The following KCNIP4 variants were observed in gnomAD, a reference collection of about 807,000 sequenced individuals.
KCNIP4 encodes the protein potassium voltage-gated channel interacting protein 4, also known as Kv channel-interacting protein 4.
KCNIP4 carries 12 observed loss-of-function variants against 34.0 expected under a neutral mutation model. The observed-to-expected ratio is 0.35, with a 90% CI of 0.23 to 0.57. KCNIP4 has a LOEUF of 0.57. Among genes scored for constraint, KCNIP4 ranks in the 20% least tolerant of loss-of-function variants. The pLI, the probability that KCNIP4 is intolerant of heterozygous loss-of-function variation, is 0.83. For missense variants in KCNIP4, 238 were observed against 311.7 expected, an observed-to-expected ratio of 0.76 and a Z score of 1.78; for synonymous variants, 124 against 102.2, an observed-to-expected ratio of 1.21 and a Z score of -1.29.
chr4:21,103,506 A>T (rs546880374), intron 1 of KCNIP4, among the ~76,000 whole-genome samples: 88 of 150,992 alleles, frequency 5.8e-4, no homozygotes, highest in Admixed American at 3.0e-3. Context: ...AAAAACTTAA[A>T]TCAGTGGAGA....
intron 1 of KCNIP4, among the ~76,000 whole-genome samples, chr4:20,919,564 G>A (rs192815942): frequency 1.3e-4 from 20 of 151,778 alleles, no homozygotes; most frequent in African/African-American, 3.9e-4. Flanking sequence ...TTAGCTGGGC[G>A]TGGTGGCGGG....
intron 2 of KCNIP4, among the ~76,000 whole-genome samples, chr4:20,873,603 T>C (rs2149512977): frequency 6.6e-6 from 1 of 152,314 alleles, no homozygotes; most frequent in Non-Finnish European, 1.5e-5. Context: ...ATATTGTTCT[T>C]GATCCTTTGC....
chr4:21,642,257 C>T (rs1746666961), intron 1 of KCNIP4, among the ~76,000 whole-genome samples: 2 of 152,038 alleles, frequency 1.3e-5, no homozygotes, highest in African/African-American at 4.8e-5. Context: ...AGTGGAATGA[C>T]CTTTTGAAGA....
chr4:21,825,674 TATTTAGTTTTATTCATTG>T (rs1368340640), intron 1 of KCNIP4, among the ~76,000 whole-genome samples: 2 of 152,198 alleles, frequency 1.3e-5, no homozygotes, highest in African/African-American at 4.8e-5. Context: ...AGACTTCCAC[TATTTAGTTTTATTCATTG>T]ATTTATGTAA....
chr4:21,259,958 C>G lies in KCNIP4; in HGVS notation c.62-377249G>C, dbSNP rs536716311. ...ATGTGCATTGTGCAATGTCTAAACA[C>G]TCAAACAGGATATTTGGAACAGAAC... On this transcript the variant is annotated intron_variant, in intron 1 of 8. Transcript: ENST00000382152. Among the ~76,000 whole-genome samples, 19 of 150,918 alleles carry G rather than the reference C, an allele frequency of 1.3e-4. No individual in the cohort carries two copies. The South Asian group carries it at 4.0e-3, about 32-fold the overall frequency.
intron 1 of KCNIP4, among the ~76,000 whole-genome samples, chr4:21,156,870 T>C (rs1263351803): frequency 6.6e-6 from 1 of 152,204 alleles, no homozygotes; most frequent in Non-Finnish European, 1.5e-5. Flanking sequence ...TAAGGTAATA[T>C]GCATTACTAA....
intron 1 of KCNIP4, among the ~76,000 whole-genome samples, chr4:21,054,789 T>C (rs539998420): frequency 2.7e-5 from 4 of 146,920 alleles, no homozygotes; most frequent in African/African-American, 1.0e-4. Flanking sequence ...TATATCTAAA[T>C]ATAAAATTCA....
intron 1 of KCNIP4, among the ~76,000 whole-genome samples, chr4:21,525,690 T>A (rs1421067214): frequency 1.3e-5 from 2 of 152,254 alleles, no homozygotes; most frequent in Non-Finnish European, 2.9e-5. Context: ...CCTATTCTTC[T>A]GGTTGTTTTA....
chr4:20,823,730 C>T (rs1426786893), intron 3 of KCNIP4, among the ~76,000 whole-genome samples: 1 of 152,184 alleles, frequency 6.6e-6, no homozygotes. Flanking sequence ...TTAAGCCACC[C>T]ACTCCATAGT....
intron 1 of KCNIP4, among the ~76,000 whole-genome samples, chr4:21,529,243 C>T (rs1335891773): frequency 6.6e-6 from 1 of 152,084 alleles, no homozygotes; most frequent in Non-Finnish European, 1.5e-5. Flanking sequence ...AGCCCAGAAT[C>T]AAGACAGAAT....
intron 1 of KCNIP4, among the ~76,000 whole-genome samples, chr4:21,109,036 T>C (rs1748864478): frequency 6.7e-6 from 1 of 150,194 alleles, no homozygotes; most frequent in Non-Finnish European, 1.5e-5. Context: ...GTTAGGCTGC[T>C]CGGGGGTCAG....
intron 2 of KCNIP4, 192 bp from the exon 3 acceptor site, chr4:20,850,859 A>C: frequency 2.1e-6 from 1 of 480,532 alleles, no homozygotes; most frequent in Non-Finnish European, 3.5e-6. Context: ...CTTGTATATG[A>C]TTTTTTTGCA....
intron 1 of KCNIP4, among the ~76,000 whole-genome samples, chr4:21,690,907 G>A (rs1711558558): frequency 6.6e-6 from 1 of 152,118 alleles, no homozygotes; most frequent in South Asian, 2.1e-4. Context: ...CTTCTGGAAT[G>A]TAAAAAAACA....
intron 1 of KCNIP4, among the ~76,000 whole-genome samples, chr4:21,385,026 G>C (rs1338989267): frequency 3.3e-5 from 5 of 152,086 alleles, no homozygotes; most frequent in Admixed American, 3.3e-4. Flanking sequence ...ACACTTTATG[G>C]AACAGGGTTT....
chr4:21,291,927 G>GAA (rs1560260167), intron 1 of KCNIP4, among the ~76,000 whole-genome samples: 3 of 66,666 alleles, frequency 4.5e-5, no homozygotes, highest in Admixed American at 1.5e-4. Context: ...AAGAAAGAAA[G>GAA]AAAGAAAGAA....
chr4:21,460,099 C>T (rs941849703), intron 1 of KCNIP4, among the ~76,000 whole-genome samples: 4 of 117,964 alleles, frequency 3.4e-5, no homozygotes, highest in Non-Finnish European at 8.6e-5. Flanking sequence ...AAAATCTGCC[C>T]CCCGCCCCCC....
intron 1 of KCNIP4, among the ~76,000 whole-genome samples, chr4:21,282,476 G>A (rs1762840035): frequency 6.6e-6 from 1 of 151,806 alleles, no homozygotes; most frequent in Admixed American, 6.6e-5. Flanking sequence ...GTGTGTGTGT[G>A]TGTGTGTGTG....
chr4:21,502,493 G>A (rs1733451184), intron 1 of KCNIP4, among the ~76,000 whole-genome samples: 1 of 151,982 alleles, frequency 6.6e-6, no homozygotes, highest in African/African-American at 2.4e-5. Flanking sequence ...CCAGATATCA[G>A]GTTTTTAGTG....
chr4:21,729,505 T>C (rs906247868), intron 1 of KCNIP4, among the ~76,000 whole-genome samples: 1 of 152,174 alleles, frequency 6.6e-6, no homozygotes, highest in Non-Finnish European at 1.5e-5. Context: ...ACCATGTCCT[T>C]TCACATAAAT....
Sources: gnomAD v4.1 joint callset for allele counts (sites outside exome capture counted in the v4.1 genomes callset) on GRCh38, gnomAD v4.1.1 for gene constraint, MANE v1.5 for transcripts, NCBI Gene and HGNC (gene_info 2026-07-23, HGNC 2026-07-21) for gene names.